The following KCNK2 variants were observed in gnomAD, a reference collection of about 807,000 sequenced individuals.
KCNK2 encodes potassium two pore domain channel subfamily K member 2.
Under a neutral mutation model 40.5 loss-of-function variants are expected in KCNK2, and 21 were observed. That is an observed-to-expected ratio of 0.52 (90% CI 0.37 to 0.75). The LOEUF (loss-of-function observed/expected upper bound fraction) is 0.75. Among genes scored for constraint, KCNK2 ranks in the 30% least tolerant of loss-of-function variants. The pLI, the probability that KCNK2 is intolerant of heterozygous loss-of-function variation, is 0.00. For missense variants in KCNK2, 399 were observed against 531.6 expected, an observed-to-expected ratio of 0.75 and a Z score of 2.45; for synonymous variants, 191 against 202.2, an observed-to-expected ratio of 0.94 and a Z score of 0.47.
At chr1:215,046,244 A>G (rs12097900) in intron 1 of KCNK2, among the ~76,000 whole-genome samples, 17,569 of 152,160 alleles carry the variant, frequency 0.12, 1,122 homozygotes, top group Middle Eastern at 0.25. Flanking sequence ...CAGCAGCTCT[A>G]CATTTAATAG....
intron 6 of KCNK2, among the ~76,000 whole-genome samples, chr1:215,203,516 A>G (rs1294720969): frequency 2.0e-5 from 3 of 152,034 alleles, no homozygotes; most frequent in African/African-American, 4.8e-5. Flanking sequence ...TCAATTTTAT[A>G]AAGTTTTAAG....
intron 3 of KCNK2, among the ~76,000 whole-genome samples, chr1:215,133,600 A>G (rs908758664): frequency 6.7e-6 from 1 of 149,944 alleles, no homozygotes; most frequent in African/African-American, 2.5e-5. Context: ...ATTAGGCTGC[A>G]TGTTTGTTTT....
intron 3 of KCNK2, among the ~76,000 whole-genome samples, chr1:215,158,717 A>AAAAC (rs746471375): frequency 5.3e-5 from 8 of 152,294 alleles, no homozygotes; most frequent in South Asian, 4.1e-4. Flanking sequence ...GTCTTATGCA[A>AAAAC]AAACAAACAA....
At chr1:215,179,520 C>G (rs1420028651) in intron 5 of KCNK2, among the ~76,000 whole-genome samples, 1 of 152,000 alleles carries the variant, frequency 6.6e-6, no homozygotes, top group Non-Finnish European at 1.5e-5. Flanking sequence ...ATATAAACTT[C>G]TCTCTTAACA....
chr1:215,174,651 CAGTGGTTTGT>C (rs1663871736), intron 5 of KCNK2, among the ~76,000 whole-genome samples: 2 of 152,238 alleles, frequency 1.3e-5, no homozygotes, highest in South Asian at 4.1e-4. Context: ...TTTTGTTGAG[CAGTGGTTTGT>C]AGTTCTCCTT....
rs752369090 is a variant in KCNK2 at position 215,086,500 on chromosome 1, A to G, written c.179A>G (p.Lys60Arg). The G allele has an allele frequency of 2.5e-6, 4 of 1,614,184 alleles. No individual in the cohort carries two copies. Among genetic ancestry groups the G allele is most frequent in the Non-Finnish European group, 3.4e-6 (4 of 1,180,046 alleles). ...ACGACCATTAATGTTATGAAATGGAAGACGGTCTCCACGATATTCCTGGTG... is the reference window on the plus strand; with the variant it reads ...ACGACCATTAATGTTATGAAATGGAGGACGGTCTCCACGATATTCCTGGTG... ...SDTTINVMKW[K>R]TVSTIFLVVV... The change falls in exon 2 of 7, where the codon AAG (lysine) becomes AGG (arginine). Residue 60 changes from lysine (K) to arginine (R), a missense_variant. Physicochemically the swap from Lys to Arg is conservative, Grantham distance 26. Transcript: ENST00000444842.
At chr1:215,136,933 ATATTT>A (rs1661948196) in intron 3 of KCNK2, among the ~76,000 whole-genome samples, 1 of 152,188 alleles carries the variant, frequency 6.6e-6, no homozygotes, top group Admixed American at 6.5e-5. Flanking sequence ...ACTGTATTTT[ATATTT>A]TAATTTGCTT....
chr1:215,094,278 C>T (rs1050397069), intron 2 of KCNK2, among the ~76,000 whole-genome samples: 1 of 151,956 alleles, frequency 6.6e-6, no homozygotes, highest in Non-Finnish European at 1.5e-5. Context: ...AAATAGCCTG[C>T]AAAATGTCTA....
rs188033938 is a variant in KCNK2 at position 215,143,208 on chromosome 1, C to T, written c.475+18458C>T. Among the ~76,000 whole-genome samples the T allele has an allele frequency of 5.9e-5, 9 of 151,902 alleles. No individual in the cohort carries two copies. The East Asian group carries it at 1.2e-3, about 20-fold the overall frequency. Reference sequence around the variant, plus strand: ...TAGATCTATTTGTGCATGTGCTATGCGTGTGTGTGTCTGTGTAAGTGTATC... The same window carrying T: ...TAGATCTATTTGTGCATGTGCTATGTGTGTGTGTGTCTGTGTAAGTGTATC... On this transcript the variant is annotated intron_variant, in intron 3 of 6. Transcript: ENST00000444842.
At chr1:215,090,237 C>T (rs907828509) in intron 2 of KCNK2, among the ~76,000 whole-genome samples, 6 of 152,136 alleles carry the variant, frequency 3.9e-5, no homozygotes, top group African/African-American at 1.4e-4. Context: ...TCACATAACT[C>T]TCTTAAACCA....
intron 3 of KCNK2, among the ~76,000 whole-genome samples, chr1:215,131,773 T>C (rs979438450): frequency 1.3e-5 from 2 of 152,086 alleles, no homozygotes; most frequent in African/African-American, 4.8e-5. Context: ...GAGCAACATT[T>C]CTCATATTTT....
chr1:215,232,304 G>A (rs1435991484), intron 6 of KCNK2, among the ~76,000 whole-genome samples: 1 of 152,028 alleles, frequency 6.6e-6, no homozygotes, highest in Admixed American at 6.6e-5. Context: ...CATGATAAAA[G>A]GACTAAAATT....
intron 6 of KCNK2, among the ~76,000 whole-genome samples, chr1:215,196,530 T>C (rs956668079): frequency 6.6e-6 from 1 of 152,250 alleles, no homozygotes; most frequent in African/African-American, 2.4e-5. Context: ...TATATCTTAG[T>C]TGCATCATCA....
intron 2 of KCNK2, among the ~76,000 whole-genome samples, chr1:215,122,381 A>C (rs901947432): frequency 1.3e-5 from 2 of 152,170 alleles, no homozygotes; most frequent in Admixed American, 1.3e-4. Flanking sequence ...TAACTACAAA[A>C]ACATTTAAAA....
In KCNK2 at chr1:215,083,220, AG is replaced by A; in HGVS notation, c.-165del. 2.2e-5 allele frequency: 11 copies of A among 505,038 alleles called. No homozygotes were observed. Among genetic ancestry groups the A allele is most frequent in the African/African-American group, 1.1e-4 (2 of 18,210 alleles). The allele number at this position is 505,038 out of a possible 1,614,324, so 31.3% of individuals were successfully genotyped here. ...CCCCCCCCCGCCCCCTCCCGCGTCC[AG>A]CCCCGCTCTCCCCACCTTGTAAAAC... On this transcript the variant is annotated 5_prime_UTR_variant, in exon 1 of 7. Transcript: ENST00000444842.
chr1:215,092,868 T>A (rs1659750269), intron 2 of KCNK2, among the ~76,000 whole-genome samples: 1 of 152,142 alleles, frequency 6.6e-6, no homozygotes, highest in Non-Finnish European at 1.5e-5. Context: ...AAAGTGATAC[T>A]CTTGGTTATC....
intron 1 of KCNK2, among the ~76,000 whole-genome samples, chr1:215,036,236 T>TG (rs1355549474): frequency 1.3e-5 from 2 of 151,826 alleles, no homozygotes; most frequent in Non-Finnish European, 2.9e-5. Flanking sequence ...ATAAACATCA[T>TG]GATTCATTTG....
At chr1:215,204,037 CAAAAAAAAAAAAAAA>C (rs71167813) in intron 6 of KCNK2, among the ~76,000 whole-genome samples, 10 of 53,178 alleles carry the variant, frequency 1.9e-4, no homozygotes, top group Non-Finnish European at 2.0e-4. Flanking sequence ...GACTCCGTCT[CAAAAAAAAAAAAAAA>C]AAAAAAAAAA....
At chr1:215,198,084 G>C (rs1664940433) in intron 6 of KCNK2, among the ~76,000 whole-genome samples, 1 of 152,200 alleles carries the variant, frequency 6.6e-6, no homozygotes, top group Admixed American at 6.5e-5. Flanking sequence ...ACTCTCAACT[G>C]AAAGTATGAG....
Sources: allele counts gnomAD v4.1 joint callset (sites outside exome capture counted in the v4.1 genomes callset), GRCh38; gene constraint gnomAD v4.1.1; transcripts MANE v1.5; gene names NCBI Gene and HGNC (gene_info 2026-07-23, HGNC 2026-07-21).